Variants in IL1RAPL2 observed in about 807,000 individuals in gnomAD.
The protein encoded by IL1RAPL2 is X-linked interleukin-1 receptor accessory protein-like 2.
IL1RAPL2 carries 3 observed loss-of-function variants against 44.1 expected under a neutral mutation model. The ratio of observed to expected loss-of-function variants is 0.07; its 90% CI spans 0.03 to 0.18. The LOEUF is 0.18. IL1RAPL2 is among the 10% of genes least tolerant of loss of function. The pLI is 1.00. For missense variants in IL1RAPL2, 391 were observed against 496.4 expected (o/e 0.79, Z 2.02); for synonymous variants, 181 against 178.8 (o/e 1.01, Z -0.10).
chrX:105,040,094 T>G (rs1372416332), intron 2 of IL1RAPL2, among the ~76,000 whole-genome samples: 1 of 110,991 alleles, frequency 9.0e-6, no homozygotes, highest in Non-Finnish European at 1.9e-5. Context: ...GCATGAAGGG[T>G]TGTTGAATTT....
chrX:104,659,490 G>A (rs1371336135), intron 2 of IL1RAPL2, among the ~76,000 whole-genome samples: 2 of 111,801 alleles, frequency 1.8e-5, no homozygotes, highest in African/African-American at 6.5e-5. Context: ...GGAATTTCTC[G>A]AGAAGAAAAA....
rs72616900 is a variant in IL1RAPL2 at position 105,473,344 on chromosome X, A to G, written c.698-10969A>G. Among the ~76,000 whole-genome samples, 121 of 111,917 alleles carry G rather than the reference A, an allele frequency of 1.1e-3. 1 individual carries two copies. The East Asian group carries it at 0.03, about 28-fold the overall frequency. The stretch of plus-strand genomic sequence containing the variant: ...AGTTCTCTGGTAATGTAAAGCTGAC[A>G]TGGAGGAGGATAAAGTGATAATGCC... On this transcript the variant is annotated intron_variant, in intron 5 of 10. Transcript: ENST00000372582.
At chrX:104,803,247 C>A (rs1569317373) in intron 2 of IL1RAPL2, among the ~76,000 whole-genome samples, 1 of 111,869 alleles carries the variant, frequency 8.9e-6, no homozygotes, top group Non-Finnish European at 1.9e-5. Context: ...GAACTATAAA[C>A]CTCCACCCTG....
intron 5 of IL1RAPL2, among the ~76,000 whole-genome samples, chrX:105,282,366 G>T (rs773953385): frequency 8.9e-6 from 1 of 111,907 alleles, no homozygotes; most frequent in Admixed American, 9.5e-5. Context: ...TAATTCATCA[G>T]TTCAAGTCTG....
chrX:104,704,660 A>G (rs1271390253), intron 2 of IL1RAPL2, among the ~76,000 whole-genome samples: 1 of 111,777 alleles, frequency 8.9e-6, no homozygotes. Context: ...TTATACAGTT[A>G]TATCTACAGA....
At chrX:105,750,110 A>G (rs933774526) in intron 9 of IL1RAPL2, among the ~76,000 whole-genome samples, 1 of 110,941 alleles carries the variant, frequency 9.0e-6, no homozygotes, top group African/African-American at 3.3e-5. Flanking sequence ...GATAGATGTA[A>G]TGTCAAAATT....
intron 1 of IL1RAPL2, among the ~76,000 whole-genome samples, chrX:104,599,660 A>G (rs1202000480): frequency 2.0e-5 from 2 of 102,501 alleles, no homozygotes; most frequent in Admixed American, 1.1e-4. Context: ...GCACACACAC[A>G]CACACACACA....
intron 2 of IL1RAPL2, among the ~76,000 whole-genome samples, chrX:104,768,656 G>A (rs967812090): frequency 9.0e-6 from 1 of 111,152 alleles, no homozygotes; most frequent in African/African-American, 3.3e-5. Context: ...GGGATGTCAA[G>A]CATCTTGTGT....
intron 1 of IL1RAPL2, among the ~76,000 whole-genome samples, chrX:104,636,335 C>T (rs752009443): frequency 8.9e-6 from 1 of 112,347 alleles, no homozygotes; most frequent in South Asian, 3.7e-4. Flanking sequence ...AGATCTCCAG[C>T]TGCGTGCTGG....
At chrX:105,705,276 ATG>A in intron 6 of IL1RAPL2, among the ~76,000 whole-genome samples, 1 of 111,039 alleles carries the variant, frequency 9.0e-6, no homozygotes, top group African/African-American at 3.3e-5. Flanking sequence ...ATGTGTGTGT[ATG>A]TGTGTGTACC....
chrX:104,582,401 C>T (rs1041465153), intron 1 of IL1RAPL2, among the ~76,000 whole-genome samples: 11 of 111,666 alleles, frequency 9.9e-5, no homozygotes, highest in Admixed American at 3.8e-4. Context: ...CTGCTAAAAC[C>T]GGCATTAGGC....
At chrX:104,884,491 A>G (rs1413234568) in intron 2 of IL1RAPL2, among the ~76,000 whole-genome samples, 1 of 111,299 alleles carries the variant, frequency 9.0e-6, no homozygotes, top group East Asian at 2.8e-4. Flanking sequence ...TCAGATGGAA[A>G]ACACTCAGGC....
chrX:104,840,951 A>G (rs1921885939), intron 2 of IL1RAPL2, among the ~76,000 whole-genome samples: 1 of 110,494 alleles, frequency 9.1e-6, no homozygotes, highest in African/African-American at 3.3e-5. Flanking sequence ...CAGCCTCCCA[A>G]AGTGCTGGGA....
chrX:105,290,414 G>A (rs977663184), intron 5 of IL1RAPL2, among the ~76,000 whole-genome samples: 1 of 111,466 alleles, frequency 9.0e-6, no homozygotes, highest in Non-Finnish European at 1.9e-5. Context: ...TTTCAAAGGA[G>A]ATGACTGGAC....
At chrX:104,733,212 A>G (rs1434709020) in intron 2 of IL1RAPL2, among the ~76,000 whole-genome samples, 1 of 111,909 alleles carries the variant, frequency 8.9e-6, no homozygotes, top group East Asian at 2.8e-4. Flanking sequence ...AGGAAATAAG[A>G]ATAGAAAAAT....
intron 2 of IL1RAPL2, among the ~76,000 whole-genome samples, chrX:104,823,652 C>G (rs935901596): frequency 1.8e-5 from 2 of 109,435 alleles, no homozygotes; most frequent in African/African-American, 3.3e-5. Flanking sequence ...ATTTCCAGTT[C>G]TAGATCCCTG....
chrX:105,254,610 T>G (rs1362062338), intron 4 of IL1RAPL2, among the ~76,000 whole-genome samples: 1 of 112,258 alleles, frequency 8.9e-6, no homozygotes, highest in Non-Finnish European at 1.9e-5. Flanking sequence ...TTGGTGTCTT[T>G]GTCATGAAAG....
At chrX:105,490,677 A>C (rs759843596) in intron 6 of IL1RAPL2, among the ~76,000 whole-genome samples, 44 of 112,595 alleles carry the variant, frequency 3.9e-4, no homozygotes, top group African/African-American at 1.4e-3. Context: ...ATTCAACTAA[A>C]TTTATGTTTT....
At chrX:105,672,976 C>T (rs1031608458) in intron 6 of IL1RAPL2, among the ~76,000 whole-genome samples, 1 of 111,061 alleles carries the variant, frequency 9.0e-6, no homozygotes. Flanking sequence ...AAAGAAGACC[C>T]AGGGACCTAA....
Sources: allele counts gnomAD v4.1 joint callset (sites outside exome capture counted in the v4.1 genomes callset), GRCh38; gene constraint gnomAD v4.1.1; transcripts MANE v1.5; gene names NCBI Gene and HGNC (gene_info 2026-07-23, HGNC 2026-07-21).